Variants in MEGF6 observed in about 807,000 individuals in gnomAD.
The protein encoded by MEGF6 is multiple EGF like domains 6, also known as multiple epidermal growth factor-like domains protein 6.
In MEGF6, 184 loss-of-function variants were observed where a neutral mutation model predicts 207.1. The observed-to-expected ratio is 0.89, with a 90% CI of 0.79 to 1.00. MEGF6 has a LOEUF of 1.00. MEGF6 is among the 50% of genes least tolerant of loss of function. The pLI is 0.00. For synonymous variants in MEGF6, 1,038 were observed against 910.0 expected (o/e 1.14, Z -2.53); for missense variants, 2,282 against 2,202.9 (o/e 1.04, Z -0.72).
chr1:3,582,468 C>T (rs1263503382), intron 3 of MEGF6, among the ~76,000 whole-genome samples: 2 of 152,194 alleles, frequency 1.3e-5, no homozygotes, highest in Non-Finnish European at 2.9e-5. Flanking sequence ...TCCTCCATGA[C>T]ACCAAGGCCA....
intron 4 of MEGF6, among the ~76,000 whole-genome samples, chr1:3,569,823 G>A (rs1335284338): frequency 6.6e-6 from 1 of 152,208 alleles, no homozygotes; most frequent in African/African-American, 2.4e-5. Flanking sequence ...TGCCTGGGAG[G>A]GTCCGCCTCT....
At chr1:3,563,888 G>T (rs1264758992) in intron 4 of MEGF6, among the ~76,000 whole-genome samples, 4 of 152,172 alleles carry the variant, frequency 2.6e-5, no homozygotes, top group Non-Finnish European at 5.9e-5. Context: ...TGCCCTGAGA[G>T]GCCAGAGCCT....
At chr1:3,541,044 T>C (rs1484182944) in intron 4 of MEGF6, among the ~76,000 whole-genome samples, 1 of 152,142 alleles carries the variant, frequency 6.6e-6, no homozygotes, top group Non-Finnish European at 1.5e-5. Context: ...GCAGCCCAGG[T>C]GTCAGGGCGG....
In MEGF6 at chr1:3,602,495, C is replaced by T; in HGVS notation, c.237G>A (p.Trp79Ter). ...TVPVWKAGCG[W>*]QAWCVGHERR... ...GCTCATGACCCACGCACCACGCCTG[C>T]CACCCACAGCCGGCCTTCCACACCG... The change falls in exon 2 of 37, where the codon TGG (tryptophan) becomes TGA (stop). Residue 79 changes from tryptophan (W) to a stop codon, truncating the protein, a stop_gained. Coordinates refer to ENST00000356575, the MANE Select transcript of MEGF6 (RefSeq NM_001409.4). LOFTEE classifies it high-confidence loss of function. 1 of 1,613,362 alleles carries T rather than the reference C, an allele frequency of 6.2e-7. No homozygotes were observed. Among genetic ancestry groups the T allele is most frequent in the Non-Finnish European group, 8.5e-7 (1 of 1,179,910 alleles).
At chr1:3,498,953 A>C in intron 24 of MEGF6, 127 bp from the exon 25 acceptor site, 1 of 1,421,234 alleles carries the variant, frequency 7.0e-7, no homozygotes, top group Non-Finnish European at 9.5e-7. Context: ...CCCTAGGATG[A>C]CCTGCCAGCC....
chr1:3,517,200 C>G (rs917260852), intron 5 of MEGF6, among the ~76,000 whole-genome samples: 2 of 152,226 alleles, frequency 1.3e-5, no homozygotes, highest in African/African-American at 4.8e-5. Context: ...GCACAGGGGG[C>G]ACAGAGCCCA....
At chr1:3,495,041 G>A (rs902273380) in intron 30 of MEGF6, among the ~76,000 whole-genome samples, 1 of 152,220 alleles carries the variant, frequency 6.6e-6, no homozygotes, top group African/African-American at 2.4e-5. Flanking sequence ...AGGCTTCACG[G>A]AGGCAGCGGC....
At chr1:3,531,195 G>C in intron 4 of MEGF6, 1 of 1,518,428 alleles carries the variant, frequency 6.6e-7, no homozygotes, top group Non-Finnish European at 8.8e-7. Flanking sequence ...GGCCCCCCAG[G>C]AGCCCAAGGC....
intron 4 of MEGF6, chr1:3,531,386 G>A (rs1642164729): frequency 1.7e-6 from 2 of 1,164,336 alleles, no homozygotes; most frequent in African/African-American, 1.6e-5. Context: ...GATCCGCTCC[G>A]CTCGGCGCCG....
the MEGF6 span, among the ~76,000 whole-genome samples, chr1:3,616,553 G>A: frequency 1.8e-4 from 27 of 152,260 alleles, no homozygotes; most frequent in East Asian, 2.7e-3. Flanking sequence ...GGCCAGAGAC[G>A]GGGGTGAGAG....
intron 2 of MEGF6, among the ~76,000 whole-genome samples, chr1:3,601,416 A>G (rs1475732154): frequency 6.6e-6 from 1 of 152,224 alleles, no homozygotes; most frequent in African/African-American, 2.4e-5. Context: ...TATTTTGGGG[A>G]AAACAATGAG....
chr1:3,523,405 G>A lies in MEGF6; in HGVS notation c.604+719C>T, dbSNP rs2101195338. Among the ~76,000 whole-genome samples, 3 of 152,222 alleles carry A rather than the reference G, an allele frequency of 2.0e-5. 1 individual carries two copies. In the South Asian group the frequency reaches 6.2e-4, roughly 32 times the overall value. On this transcript the variant is annotated intron_variant, in intron 5 of 36. Transcript: ENST00000356575. ...CTCAGCCCTGTGCCGGTTCCTAGAG[G>A]CCTGGCACCTCCCCTGCTTCCCTCT...
At chr1:3,577,980 C>T (rs913935583) in intron 4 of MEGF6, among the ~76,000 whole-genome samples, 8 of 152,342 alleles carry the variant, frequency 5.3e-5, no homozygotes, top group Middle Eastern at 3.4e-3. Flanking sequence ...CCGGGGTCCA[C>T]GCGTCAGGGT....
chr1:3,542,377 G>A (rs550209697), intron 4 of MEGF6, among the ~76,000 whole-genome samples: 3 of 152,368 alleles, frequency 2.0e-5, no homozygotes, highest in South Asian at 4.1e-4. Flanking sequence ...AATGTTCACA[G>A]GACTGAACTC....
the MEGF6 span, among the ~76,000 whole-genome samples, chr1:3,622,689 T>C: frequency 2.0e-5 from 3 of 152,148 alleles, no homozygotes; most frequent in Non-Finnish European, 4.4e-5. Context: ...GAGCAAGACA[T>C]GCGTCAACCC....
chr1:3,522,546 A>C (rs1050555664), intron 5 of MEGF6, among the ~76,000 whole-genome samples: 1 of 151,792 alleles, frequency 6.6e-6, no homozygotes, highest in Non-Finnish European at 1.5e-5. Flanking sequence ...CTGGGAGGCA[A>C]ATCCCAGAAG....
rs551814651 is a variant in MEGF6 at position 3,500,528 on chromosome 1, G to C, written c.2707+105C>G. 7 of 1,425,652 alleles carry C rather than the reference G, an allele frequency of 4.9e-6. No individual in the cohort carries two copies. The South Asian group carries it at 1.0e-4, about 20-fold the overall frequency. 88.3% of individuals were successfully genotyped at this position (1,425,652 alleles called of 1,614,324 possible). On this transcript the variant is annotated intron_variant, in intron 21 of 36. Transcript: ENST00000356575. ...GCGGCCAAAGGCTTCGTGTGTGTGC[G>C]TGCAGGAGGGAGTACGGTCAAAGGC...
At chr1:3,544,721 C>T (rs1438162359) in intron 4 of MEGF6, among the ~76,000 whole-genome samples, 2 of 152,210 alleles carry the variant, frequency 1.3e-5, no homozygotes, top group Non-Finnish European at 2.9e-5. Flanking sequence ...CCATGCCCCA[C>T]CAAGGCCCGG....
chr1:3,496,706 T>G lies in MEGF6; in HGVS notation c.3691A>C (p.Thr1231Pro). The G allele has an allele frequency of 6.4e-7, 1 of 1,560,732 alleles. No individual in the cohort carries two copies. Among genetic ancestry groups the G allele is most frequent in the South Asian group, 1.2e-5 (1 of 85,032 alleles). The change falls in exon 29 of 37, where the codon ACG becomes CCG. Residue 1231 changes from threonine to proline, a missense_variant. Physicochemically the swap from Thr to Pro is conservative, Grantham distance 38. Coordinates refer to ENST00000356575, the MANE Select transcript of MEGF6 (RefSeq NM_001409.4). Reference sequence around the variant, plus strand: ...CCAGTGGGGCAGCGGCAGGCCCCCGTGGCCGCATCACAGGAGCCCCCGTTG... The same window carrying G: ...CCAGTGGGGCAGCGGCAGGCCCCCGGGGCCGCATCACAGGAGCCCCCGTTG... The part of the protein sequence containing the change: ...CLNGGSCDAA[T>P]GACRCPTGFL...
Sources: gnomAD v4.1 joint callset for allele counts (sites outside exome capture counted in the v4.1 genomes callset) on GRCh38, gnomAD v4.1.1 for gene constraint, MANE v1.5 for transcripts, NCBI Gene and HGNC (gene_info 2026-07-23, HGNC 2026-07-21) for gene names.